PRRC2B: variants seen among roughly 807,000 people sequenced by gnomAD.
PRRC2B encodes proline rich coiled-coil 2B.
A neutral mutation model predicts 242.3 loss-of-function variants in PRRC2B; 68 were observed. The ratio of observed to expected loss-of-function variants is 0.28; its 90% CI spans 0.23 to 0.34. The LOEUF (loss-of-function observed/expected upper bound fraction) is 0.34. Among genes scored for constraint, PRRC2B ranks in the 10% least tolerant of loss-of-function variants. The pLI is 1.00. For synonymous variants in PRRC2B, 1,228 were observed against 1,173.6 expected (o/e 1.05, Z -0.95); for missense variants, 2,835 against 2,954.8 (o/e 0.96, Z 0.94).
intron 1 of PRRC2B, among the ~76,000 whole-genome samples, chr9:131,406,795 G>A (rs1323209502): frequency 1.3e-5 from 2 of 151,866 alleles, no homozygotes; most frequent in Non-Finnish European, 2.9e-5. Flanking sequence ...CAATACAGGC[G>A]TGTCACAGTT....
intron 1 of PRRC2B, among the ~76,000 whole-genome samples, chr9:131,405,721 G>A (rs181746185): frequency 6.6e-6 from 1 of 152,096 alleles, no homozygotes; most frequent in Non-Finnish European, 1.5e-5. Context: ...CTGGCTCCTG[G>A]GGGGGTTATT....
rs550653740 is a variant in PRRC2B at position 131,466,164 on chromosome 9, G to C, written c.1720+1086G>C. ...AGATCAGCTCTTGTTAGGAGACAAG[G>C]GGATGTTTGAGGCTCTGAAAGCTTC... On this transcript the variant is annotated intron_variant, in intron 12 of 31. Coordinates refer to ENST00000683519, the MANE Select transcript of PRRC2B (RefSeq NM_013318.4). 2.6e-5 allele frequency among the ~76,000 whole-genome samples: 4 copies of C among 152,344 alleles called. No individual in the cohort carries two copies. In the South Asian group the frequency reaches 8.3e-4, roughly 32 times the overall value.
chr9:131,488,631 C>T (rs779052668), intron 28 of PRRC2B, among the ~76,000 whole-genome samples: 2 of 152,176 alleles, frequency 1.3e-5, no homozygotes, highest in South Asian at 2.1e-4. Context: ...AGCCCCCAGA[C>T]GGGGGCTCCT....
rs540275194 is a variant in PRRC2B at position 131,384,251 on chromosome 9, G to A, written c.-56+10520G>A. The stretch of plus-strand genomic sequence containing the variant: ...TGGGATTACAGGCACCTGCCACCAC[G>A]CCTGGCTAATTTTTGTATGTATGTA... On this transcript the variant is annotated intron_variant, in intron 1 of 1. Transcript: ENST00000682525. Among the ~76,000 whole-genome samples the A allele has an allele frequency of 1.3e-4, 20 of 149,052 alleles. No homozygotes were observed. The East Asian group carries it at 2.5e-3, about 19-fold the overall frequency.
chr9:131,397,077 C>G (rs1310287541), intron 1 of PRRC2B, among the ~76,000 whole-genome samples: 2 of 152,178 alleles, frequency 1.3e-5, no homozygotes, highest in Non-Finnish European at 2.9e-5. Flanking sequence ...TCCTGTCATC[C>G]TTTGATTTTT....
intron 1 of PRRC2B, among the ~76,000 whole-genome samples, chr9:131,415,632 A>G (rs1261609435): frequency 6.6e-6 from 1 of 152,196 alleles, no homozygotes; most frequent in African/African-American, 2.4e-5. Flanking sequence ...TCAGCTGAGT[A>G]TTGGATTCTA....
At chr9:131,468,501 G>A (rs1269689998) in intron 13 of PRRC2B, among the ~76,000 whole-genome samples, 1 of 152,040 alleles carries the variant, frequency 6.6e-6, no homozygotes, top group African/African-American at 2.4e-5. Context: ...TTGTCCTAAA[G>A]ATCATGTGGA....
chr9:131,422,688 C>T (rs1210931270), intron 1 of PRRC2B, among the ~76,000 whole-genome samples: 1 of 152,198 alleles, frequency 6.6e-6, no homozygotes, highest in African/African-American at 2.4e-5. Flanking sequence ...GGACAGATAG[C>T]AGGAACCTGT....
At chr9:131,391,437 A>G (rs1836899133), upstream of PRRC2B, among the ~76,000 whole-genome samples, 1 of 152,054 alleles carries the variant, frequency 6.6e-6, no homozygotes, top group African/African-American at 2.4e-5. Context: ...CACCTGCCCA[A>G]CCAAATAATC....
intron 9 of PRRC2B, 146 bp downstream of exon 9, chr9:131,447,950 C>CTG: frequency 4.1e-6 from 3 of 725,552 alleles, no homozygotes; most frequent in Non-Finnish European, 6.1e-6. Flanking sequence ...ACCTGATGCC[C>CTG]TCCTTCCTCA....
At chr9:131,426,369 AAAAAAG>A (rs1280818969) in intron 1 of PRRC2B, among the ~76,000 whole-genome samples, 5 of 149,966 alleles carry the variant, frequency 3.3e-5, no homozygotes, top group Non-Finnish European at 7.4e-5. Flanking sequence ...AAGAAAAAGA[AAAAAAG>A]AAGAAGAAGA....
chr9:131,411,594 C>T (rs989828212), intron 1 of PRRC2B, among the ~76,000 whole-genome samples: 1 of 152,018 alleles, frequency 6.6e-6, no homozygotes, highest in Non-Finnish European at 1.5e-5. Flanking sequence ...CCGCCCGCCT[C>T]GGCCTTCCAA....
At chr9:131,414,232 T>C (rs1473848915) in intron 1 of PRRC2B, among the ~76,000 whole-genome samples, 1 of 151,388 alleles carries the variant, frequency 6.6e-6, no homozygotes, top group Admixed American at 6.6e-5. Flanking sequence ...ATGAAACTTT[T>C]ATCACAAATC....
rs1361385463 is a variant in PRRC2B at position 131,494,469 on chromosome 9, G to T, written c.6538G>T (p.Gly2180Ter). 1 of 1,597,486 alleles carries T rather than the reference G, an allele frequency of 6.3e-7. No individual in the cohort carries two copies. The highest frequency in any genetic ancestry group is 8.6e-7 in the Non-Finnish European group (1 of 1,167,886). Reference protein sequence around the residue: ...GSAVNMGSVQGHYVQQAKQRV... With the variant: ...GSAVNMGSVQ Reference sequence around the variant, plus strand: ...AGCAGTTAACATGGGCTCTGTGCAGGGACACTACGTGCAACAGGTAGAAGA... The same window carrying T: ...AGCAGTTAACATGGGCTCTGTGCAGTGACACTACGTGCAACAGGTAGAAGA... Residue 2180 changes from glycine (G) to a stop codon, truncating the protein, a stop_gained, in exon 31 of 32, where the codon GGA (glycine) becomes TGA (stop). Coordinates refer to ENST00000683519, the MANE Select transcript of PRRC2B (RefSeq NM_013318.4). LOFTEE classifies it high-confidence loss of function. The surrounding 1 kb of genome is among the most constrained non-coding windows in gnomAD (Gnocchi z 4.3).
chr9:131,382,428 A>G (rs1386714517), intron 1 of PRRC2B, among the ~76,000 whole-genome samples: 1 of 152,072 alleles, frequency 6.6e-6, no homozygotes, highest in Non-Finnish European at 1.5e-5. Flanking sequence ...GCAAAATTAT[A>G]AAGACTGGCT....
chr9:131,436,600 A>G lies in PRRC2B; in HGVS notation c.294-20A>G. ...CGCACTCTGTGCGGTGCCTGACCCC[A>G]CTGCCCTGCCTTTGTCTAGTTCCAG... On this transcript the variant is annotated intron_variant, in intron 3 of 31. Transcript: ENST00000683519. 1 of 1,606,292 alleles carries G rather than the reference A, an allele frequency of 6.2e-7. No homozygotes were observed. Among genetic ancestry groups the G allele is most frequent in the South Asian group, 1.1e-5 (1 of 90,308 alleles).
intron 18 of PRRC2B, 99 bp downstream of exon 18, chr9:131,478,718 C>T (rs1436273639): frequency 8.6e-6 from 7 of 810,776 alleles, no homozygotes; most frequent in Non-Finnish European, 1.4e-5. Context: ...CGGTCAAGCT[C>T]AAGGTGGCAG....
intron 1 of PRRC2B, among the ~76,000 whole-genome samples, chr9:131,387,256 C>T (rs1248390483): frequency 6.7e-6 from 1 of 150,374 alleles, no homozygotes; most frequent in African/African-American, 2.4e-5. Context: ...CCGTCTCCGC[C>T]TCCCAAAGTG....
chr9:131,483,522 T>C, intron 23 of PRRC2B, 77 bp downstream of exon 23: 1 of 1,289,886 alleles, frequency 7.8e-7, no homozygotes, highest in Admixed American at 1.7e-5. Flanking sequence ...ACAGCACATG[T>C]ATTTCAGGCT....
Sources: gnomAD v4.1 joint callset for allele counts (sites outside exome capture counted in the v4.1 genomes callset) on GRCh38, gnomAD v4.1.1 for gene constraint, Gnocchi (gnomAD v3.1) non-coding constraint, MANE v1.5 for transcripts, NCBI Gene and HGNC (gene_info 2026-07-23, HGNC 2026-07-21) for gene names.